Variants in RIC3 observed in about 807,000 individuals in gnomAD.
The protein encoded by RIC3 is protein RIC-3.
A neutral mutation model predicts 27.3 loss-of-function variants in RIC3; 28 were observed. The observed-to-expected ratio is 1.02, with a 90% CI of 0.76 to 1.41. The LOEUF (loss-of-function observed/expected upper bound fraction) is 1.41. RIC3 is among the 40% of genes most tolerant of loss of function. RIC3 has a pLI of 0.00. For missense variants in RIC3, 501 were observed against 444.7 expected (o/e 1.13, Z -1.14); for synonymous variants, 184 against 160.4 (o/e 1.15, Z -1.11).
chr11:8,137,297 T>C (rs1948533207), intron 4 of RIC3, 81 bp downstream of exon 4: 1 of 1,255,988 alleles, frequency 8.0e-7, no homozygotes, highest in South Asian at 1.2e-5. Flanking sequence ...GTGCTGGGAT[T>C]AGAGGCCTCG....
intron 1 of RIC3, among the ~76,000 whole-genome samples, chr11:8,148,181 T>C (rs186980386): frequency 1.8e-3 from 267 of 152,340 alleles, no homozygotes; most frequent in Non-Finnish European, 3.0e-3. Flanking sequence ...CAGTATTGAC[T>C]TTAAATGATA....
Position 8,108,364 on chromosome 11 carries a change from G to A in RIC3, c.*2334C>T, listed in dbSNP as rs1361231521. On this transcript the variant is annotated 3_prime_UTR_variant, in exon 6 of 6. Coordinates refer to ENST00000309737, the MANE Select transcript of RIC3 (RefSeq NM_001206671.4). ...CTCCCAAGAAACTGTGAAGTTTCTT[G>A]GCAATACTTTAGCAAAAACAATTTA... 6.6e-6 allele frequency: 1 copy of A among 152,112 alleles called. No homozygotes were observed. The highest frequency in any genetic ancestry group is 2.4e-5 in the African/African-American group (1 of 41,402). The allele number at this position is 152,112 out of a possible 1,614,324, so 9.4% of individuals were successfully genotyped here. A position where few individuals can be genotyped will look rare whatever the true frequency, so the allele number is the denominator to read the frequency against.
the RIC3 span, chr11:8,100,768 C>T: frequency 1.5e-3 from 2,359 of 1,600,496 alleles, 17 homozygotes; most frequent in African/African-American, 0.024. Flanking sequence ...AGATCCCTTT[C>T]TGGGGTGGTC....
At chr11:8,164,620 A>G (rs1951501702) in intron 1 of RIC3, among the ~76,000 whole-genome samples, 1 of 151,918 alleles carries the variant, frequency 6.6e-6, no homozygotes, top group African/African-American at 2.4e-5. Context: ...CTGCCAAAAA[A>G]TTTAAAAATT....
At chr11:8,098,366 A>G in the RIC3 span, among the ~76,000 whole-genome samples, 1 of 152,108 alleles carries the variant, frequency 6.6e-6, no homozygotes. Context: ...CTGGACTGAG[A>G]CTTAGGCTGG....
chr11:8,105,808 C>T (rs190367788), downstream of RIC3: 27 of 152,354 alleles, frequency 1.8e-4, no homozygotes, highest in African/African-American at 6.5e-4. Context: ...CCTCCCTCCC[C>T]CTAGCAAGGT....
Position 8,133,735 on chromosome 11 carries a change from G to T in RIC3, c.521+3643C>A, listed in dbSNP as rs77075036. ...CTTCTCTGCCTTTGCACATAAAAAA[G>T]GAGACATAAATCTGGGATGAAGAGG... On this transcript the variant is annotated intron_variant, in intron 4 of 5. Transcript: ENST00000309737. 2.6e-3 allele frequency among the ~76,000 whole-genome samples: 398 copies of T among 152,276 alleles called. 2 individuals are homozygous for T. The highest frequency in any genetic ancestry group is 9.3e-3 in the African/African-American group (385 of 41,562).
chr11:8,132,537 C>T (rs1947863000), intron 4 of RIC3, among the ~76,000 whole-genome samples: 1 of 152,122 alleles, frequency 6.6e-6, no homozygotes, highest in Non-Finnish European at 1.5e-5. Flanking sequence ...GAACATGGCA[C>T]AAGACTGACA....
chr11:8,127,026 G>C (rs1947070549), intron 4 of RIC3: 2 of 582,756 alleles, frequency 3.4e-6, no homozygotes, highest in South Asian at 4.0e-5. Flanking sequence ...AATAGATCAA[G>C]TGATTGCCCA....
chr11:8,162,188 C>T (rs1951234362), intron 1 of RIC3, among the ~76,000 whole-genome samples: 1 of 152,192 alleles, frequency 6.6e-6, no homozygotes, highest in Non-Finnish European at 1.5e-5. Flanking sequence ...GCTAGAGCCC[C>T]AGTGTGACAA....
intron 5 of RIC3, 151 bp downstream of exon 5, chr11:8,126,508 A>T (rs978454062): frequency 1.7e-5 from 15 of 877,666 alleles, no homozygotes; most frequent in Non-Finnish European, 2.4e-5. Flanking sequence ...AACTCTATAT[A>T]TTTGTCAAAA....
At chr11:8,103,211 A>G (rs994348537), downstream of RIC3, 1 of 151,908 alleles carries the variant, frequency 6.6e-6, no homozygotes, top group African/African-American at 2.4e-5. Flanking sequence ...CACTACCGCT[A>G]TTTCTCCTTG....
chr11:8,165,788 T>G lies in RIC3; in HGVS notation c.124+3078A>C, dbSNP rs573150505. On this transcript the variant is annotated intron_variant, in intron 1 of 5. Transcript: ENST00000309737. ...GGGGTTTTTTTTTTGTTTTGTTTTG[T>G]TTTTTTTTTTGGCAGAGTCTCACTG... Among the ~76,000 whole-genome samples, 16 of 42,248 alleles carry G rather than the reference T, an allele frequency of 3.8e-4. No individual in the cohort carries two copies. The South Asian group carries it at 9.8e-3, about 26-fold the overall frequency. 27.7% of individuals were successfully genotyped at this position (42,248 alleles called of 152,430 possible).
At chr11:8,103,378 A>C (rs1409817401), downstream of RIC3, 2 of 152,224 alleles carry the variant, frequency 1.3e-5, 1 homozygote, top group African/African-American at 4.8e-5. Flanking sequence ...TGTTTGGAAA[A>C]GCTAAGTAGA....
rs756406258 is a variant in RIC3 at position 8,110,685 on chromosome 11, AG to A, written c.*12del. ...TTGGGACTTGAGTAATGGATACTTCAGACTGGCTGTTTTCACTCTAAACCCT... is the reference window on the plus strand; with the variant it reads ...TTGGGACTTGAGTAATGGATACTTCAACTGGCTGTTTTCACTCTAAACCCT... On this transcript the variant is annotated 3_prime_UTR_variant, in exon 6 of 6. Coordinates refer to ENST00000309737, the MANE Select transcript of RIC3 (RefSeq NM_001206671.4). The A allele has an allele frequency of 6.2e-7, 1 of 1,612,910 alleles. No homozygotes were observed. The highest frequency in any genetic ancestry group is 1.1e-5 in the South Asian group (1 of 91,054).
chr11:8,101,859 A>ACGAC, downstream of RIC3: 2 of 466,122 alleles, frequency 4.3e-6, no homozygotes, highest in Non-Finnish European at 7.1e-6. Context: ...TTTCCATGCC[A>ACGAC]CGAGATCAAC....
In RIC3 at chr11:8,169,001, G is replaced by A. The variant is rs1952032370; in HGVS notation, c.-12C>T. The A allele has an allele frequency of 6.4e-7, 1 of 1,563,282 alleles. No individual in the cohort carries two copies. Among genetic ancestry groups the A allele is most frequent in the East Asian group, 2.5e-5 (1 of 39,826 alleles). On this transcript the variant is annotated 5_prime_UTR_variant, in exon 1 of 6. Coordinates refer to ENST00000309737, the MANE Select transcript of RIC3 (RefSeq NM_001206671.4). ...GTGGAGTACGCCATGACTGCTCACGGTGGTCGCAGGTGCAGACGCCAGCCG... is the reference window on the plus strand; with the variant it reads ...GTGGAGTACGCCATGACTGCTCACGATGGTCGCAGGTGCAGACGCCAGCCG...
chr11:8,161,062 T>C lies in RIC3; in HGVS notation c.124+7804A>G, dbSNP rs575865456. On this transcript the variant is annotated intron_variant, in intron 1 of 5. Coordinates refer to ENST00000309737, the MANE Select transcript of RIC3 (RefSeq NM_001206671.4). ...CAATATTTCAAGGGGAAAAGTGAGC[T>C]GGAGGGGAAAGAAGGGTATGGTAAT... 2.6e-3 allele frequency among the ~76,000 whole-genome samples: 403 copies of C among 152,252 alleles called. 3 individuals carry two copies. The highest frequency in any genetic ancestry group is 9.4e-3 in the African/African-American group (391 of 41,540).
chr11:8,153,343 G>A (rs1034557198), intron 1 of RIC3: 2 of 418,748 alleles, frequency 4.8e-6, no homozygotes, highest in South Asian at 3.6e-5. Context: ...TTACAGACAG[G>A]GAGCATAGTT....
Sources: allele counts gnomAD v4.1 joint callset (sites outside exome capture counted in the v4.1 genomes callset), GRCh38; gene constraint gnomAD v4.1.1; transcripts MANE v1.5; gene names NCBI Gene and HGNC (gene_info 2026-07-23, HGNC 2026-07-21).